BCAS1: variants seen among roughly 807,000 people sequenced by gnomAD.
BCAS1 encodes brain enriched myelin associated protein 1, also known as breast carcinoma-amplified sequence 1.
In BCAS1, 46 loss-of-function variants were observed where a neutral mutation model predicts 65.4. That is an observed-to-expected ratio of 0.70 (90% CI 0.55 to 0.90). The LOEUF (loss-of-function observed/expected upper bound fraction) is 0.90, where lower values mean the gene tolerates loss of function less well. Ranked by LOEUF, BCAS1 falls within the 40% of genes least tolerant of loss-of-function variation. The probability of loss-of-function intolerance (pLI) is 0.00; values close to 1 mark genes in which losing one functional copy is unlikely to be tolerated. For missense variants in BCAS1, 793 were observed against 771.2 expected (o/e 1.03, Z -0.33); for synonymous variants, 298 against 293.5 (o/e 1.02, Z -0.16).
intron 10 of BCAS1, among the ~76,000 whole-genome samples, chr20:53,966,592 T>C (rs1386893849): frequency 6.6e-6 from 1 of 152,208 alleles, no homozygotes; most frequent in African/African-American, 2.4e-5. Context: ...CTAATCCATG[T>C]AATCTCAAAT....
chr20:54,023,748 A>G (rs1253485638), intron 4 of BCAS1, among the ~76,000 whole-genome samples: 1 of 152,212 alleles, frequency 6.6e-6, no homozygotes, highest in Admixed American at 6.5e-5. Flanking sequence ...AGACAAAGAA[A>G]CTGAGGCTTA....
At chr20:54,027,730 T>C (rs984233943) in intron 4 of BCAS1, among the ~76,000 whole-genome samples, 3 of 151,842 alleles carry the variant, frequency 2.0e-5, no homozygotes, top group African/African-American at 7.3e-5. Context: ...TTGCCTTTCT[T>C]CGCTCAGGAA....
rs2090868380 is a variant in BCAS1, at chr20:53,995,010, A to G, written c.927+2T>C. 1 of 1,613,040 alleles carries G rather than the reference A, an allele frequency of 6.2e-7. No homozygotes were observed. On this transcript the variant is annotated splice_donor_variant, in intron 6 of 12. Transcript: ENST00000688948. LOFTEE classifies it high-confidence loss of function. ...TATACATACACACTTCCAACTACCT[A>G]CCGTGTCTTCTGGGTCCTTTTTTGT...
intron 4 of BCAS1, among the ~76,000 whole-genome samples, chr20:53,998,327 T>C (rs561560739): frequency 6.6e-6 from 1 of 152,318 alleles, no homozygotes; most frequent in East Asian, 1.9e-4. Flanking sequence ...GGGTAATTTA[T>C]AAAGAAAAGA....
chr20:54,002,382 GT>G (rs138731479), intron 4 of BCAS1, among the ~76,000 whole-genome samples: 1 of 152,134 alleles, frequency 6.6e-6, no homozygotes, highest in Admixed American at 6.5e-5. Context: ...TTGTTGTTTG[GT>G]TTTTTTGTCC....
At chr20:53,947,960 C>T (rs719203) in intron 12 of BCAS1, among the ~76,000 whole-genome samples, 54,382 of 151,986 alleles carry the variant, frequency 0.36, 9,966 homozygotes, top group South Asian at 0.54. Flanking sequence ...AACCCTGTGA[C>T]GTCAGCACCA....
intron 4 of BCAS1, among the ~76,000 whole-genome samples, chr20:54,027,369 G>A (rs144190588): frequency 3.3e-5 from 5 of 152,202 alleles, no homozygotes; most frequent in African/African-American, 7.2e-5. Context: ...AATAATTTAC[G>A]TACAGTGCTC....
At chr20:53,984,855 A>G (rs2090571062) in intron 8 of BCAS1, among the ~76,000 whole-genome samples, 1 of 152,212 alleles carries the variant, frequency 6.6e-6, no homozygotes, top group South Asian at 2.1e-4. Flanking sequence ...GTGGAGACCT[A>G]GTGGCTGATA....
intron 4 of BCAS1, among the ~76,000 whole-genome samples, chr20:54,005,290 T>C (rs1022827218): frequency 1.8e-5 from 1 of 54,148 alleles, no homozygotes; most frequent in Non-Finnish European, 4.4e-5. Flanking sequence ...ACCTTGTCTC[T>C]ATGAAACAAA....
intron 12 of BCAS1, among the ~76,000 whole-genome samples, chr20:53,947,397 G>A (rs1172770973): frequency 6.6e-6 from 1 of 152,128 alleles, no homozygotes; most frequent in African/African-American, 2.4e-5. Context: ...TAGTTTTGGG[G>A]CATCAAGAGA....
At chr20:53,970,085 GTTCT>G (rs931271581) in intron 9 of BCAS1, among the ~76,000 whole-genome samples, 8 of 150,374 alleles carry the variant, frequency 5.3e-5, no homozygotes, top group African/African-American at 2.0e-4. Flanking sequence ...GAGGCAGTGA[GTTCT>G]TTCTTCGTGT....
chr20:54,062,077 T>C (rs574915938), intron 1 of BCAS1, among the ~76,000 whole-genome samples: 1 of 152,362 alleles, frequency 6.6e-6, no homozygotes, highest in South Asian at 2.1e-4. Flanking sequence ...CTTTTATTTA[T>C]ATATTGTCTA....
rs372555703 is a variant in BCAS1, at chr20:53,967,000, T to C, written c.1391A>G (p.Asn464Ser). 52 of 1,613,338 alleles carry C rather than the reference T, an allele frequency of 3.2e-5. No individual in the cohort carries two copies. The African/African-American group carries it at 4.5e-4, about 14-fold the overall frequency. The change falls in exon 10 of 13, where the codon AAC becomes AGC. Residue 464 changes from asparagine (N) to serine (S), a missense_variant. By Grantham distance (46) the Asn-to-Ser change is conservative. Transcript: ENST00000688948. ...VESALQTVDL[N>S]EGDAAPEPTE... ...GGGTTCAGGTGCAGCATCTCCTTCG[T>C]TGAGGTCCACTGTTTGTAAGGCTGA...
intron 10 of BCAS1, among the ~76,000 whole-genome samples, chr20:53,963,744 CT>C (rs1323677046): frequency 6.6e-6 from 1 of 152,196 alleles, no homozygotes; most frequent in Non-Finnish European, 1.5e-5. Flanking sequence ...CAGGTTTTTT[CT>C]TTCCTGCATA....
chr20:53,946,908 A>C (rs1330221107), intron 12 of BCAS1, among the ~76,000 whole-genome samples: 1 of 151,938 alleles, frequency 6.6e-6, no homozygotes, highest in African/African-American at 2.4e-5. Flanking sequence ...ATAATATGTA[A>C]TATAGTATAT....
Position 54,030,514 on chromosome 20 carries a change from T to C in BCAS1, c.143-1542A>G, listed in dbSNP as rs183882056. ...TAGTCAGACACTTCTTAATATCTGT[T>C]TGCAGGAAGACAGAAAAATAAAGGG... is the stretch of plus-strand genomic sequence containing the variant. On this transcript the variant is annotated intron_variant, in intron 3 of 12. Transcript: ENST00000688948. Among the ~76,000 whole-genome samples the C allele has an allele frequency of 3.9e-5, 6 of 152,340 alleles. No homozygotes were observed. The East Asian group carries it at 1.2e-3, about 29-fold the overall frequency.
chr20:53,962,739 C>G (rs1680738978), intron 10 of BCAS1, among the ~76,000 whole-genome samples: 1 of 152,188 alleles, frequency 6.6e-6, no homozygotes, highest in Admixed American at 6.5e-5. Flanking sequence ...CAGGAGCCCG[C>G]AGGATTTCTG....
intron 4 of BCAS1, among the ~76,000 whole-genome samples, chr20:54,022,500 A>C (rs2091583528): frequency 6.6e-6 from 1 of 152,000 alleles, no homozygotes; most frequent in Non-Finnish European, 1.5e-5. Context: ...CTTTACAAAA[A>C]CCCCTAGGGC....
At chr20:54,005,606 C>T (rs572855322) in intron 4 of BCAS1, among the ~76,000 whole-genome samples, 27 of 152,326 alleles carry the variant, frequency 1.8e-4, no homozygotes, top group African/African-American at 6.3e-4. Context: ...GATTCCACCC[C>T]GACCAATTAC....
Sources: allele counts gnomAD v4.1 joint callset (sites outside exome capture counted in the v4.1 genomes callset), GRCh38; gene constraint gnomAD v4.1.1; transcripts MANE v1.5; gene names NCBI Gene and HGNC (gene_info 2026-07-23, HGNC 2026-07-21).